PLCXD3: variants seen among roughly 807,000 people sequenced by gnomAD.
PLCXD3 encodes PI-PLC X domain-containing protein 3.
PLCXD3 carries 19 observed loss-of-function variants against 25.5 expected under a neutral mutation model. The ratio of observed to expected loss-of-function variants is 0.75; its 90% CI spans 0.52 to 1.09. The LOEUF (loss-of-function observed/expected upper bound fraction) is 1.09. PLCXD3 is among the 50% of genes least tolerant of loss of function. The probability of loss-of-function intolerance (pLI) is 0.00; values close to 1 mark genes in which losing one functional copy is unlikely to be tolerated. For missense variants in PLCXD3, 411 were observed against 388.1 expected, an observed-to-expected ratio of 1.06 and a Z score of -0.50; for synonymous variants, 174 against 137.6, an observed-to-expected ratio of 1.26 and a Z score of -1.85.
chr5:41,321,382 A>C (rs1025907168), intron 2 of PLCXD3, among the ~76,000 whole-genome samples: 1 of 152,192 alleles, frequency 6.6e-6, no homozygotes, highest in Non-Finnish European at 1.5e-5. Flanking sequence ...TAAACCAAAA[A>C]AAGTGAAAGA....
At chr5:41,471,332 G>A (rs1288623799) in intron 1 of PLCXD3, among the ~76,000 whole-genome samples, 1 of 152,168 alleles carries the variant, frequency 6.6e-6, no homozygotes, top group East Asian at 1.9e-4. Context: ...GTGCTGCAGA[G>A]AGAAAACCCA....
At chr5:41,508,097 A>G (rs1165175466) in intron 1 of PLCXD3, among the ~76,000 whole-genome samples, 1 of 152,164 alleles carries the variant, frequency 6.6e-6, no homozygotes, top group African/African-American at 2.4e-5. Flanking sequence ...TTTTTCTCAC[A>G]AGTATTGGAG....
At chr5:41,482,104 G>A (rs1235701385) in intron 1 of PLCXD3, among the ~76,000 whole-genome samples, 6 of 151,990 alleles carry the variant, frequency 3.9e-5, no homozygotes, top group African/African-American at 1.5e-4. Context: ...AGATATGTCA[G>A]TAAAAAAAGA....
chr5:41,476,728 C>A (rs1228454220), intron 1 of PLCXD3, among the ~76,000 whole-genome samples: 1 of 152,138 alleles, frequency 6.6e-6, no homozygotes, highest in Admixed American at 6.5e-5. Context: ...TCCTGTGAGT[C>A]CCCCTAGCAA....
intron 2 of PLCXD3, among the ~76,000 whole-genome samples, chr5:41,339,952 T>C (rs1744091659): frequency 6.6e-6 from 1 of 152,184 alleles, no homozygotes; most frequent in Admixed American, 6.6e-5. Flanking sequence ...GGAAAGACAC[T>C]CGCCATAGAG....
At chr5:41,425,630 A>C (rs1746937897) in intron 1 of PLCXD3, among the ~76,000 whole-genome samples, 1 of 152,118 alleles carries the variant, frequency 6.6e-6, no homozygotes, top group South Asian at 2.1e-4. Flanking sequence ...TGCTCTGTCT[A>C]TTCATCCGTT....
intron 1 of PLCXD3, among the ~76,000 whole-genome samples, chr5:41,437,566 A>G (rs915154791): frequency 1.3e-5 from 2 of 152,220 alleles, no homozygotes; most frequent in African/African-American, 4.8e-5. Context: ...CCCATTACAC[A>G]GCAAATTCAC....
intron 1 of PLCXD3, among the ~76,000 whole-genome samples, chr5:41,440,037 GCA>G (rs1747342775): frequency 6.6e-6 from 1 of 151,906 alleles, no homozygotes; most frequent in Non-Finnish European, 1.5e-5. Flanking sequence ...GGAAGGATTC[GCA>G]CACAGGTGGA....
intron 1 of PLCXD3, among the ~76,000 whole-genome samples, chr5:41,425,427 T>C (rs573016560): frequency 6.6e-6 from 1 of 152,258 alleles, no homozygotes; most frequent in East Asian, 1.9e-4. Context: ...ATTATCAATA[T>C]CCCCACCAGA....
rs111596616 is a variant in PLCXD3 at position 41,438,738 on chromosome 5, C to T, written c.104-56204G>A. The stretch of plus-strand genomic sequence containing the variant: ...ACACTAACATGTGAAAGTCTCTCTT[C>T]TAGAAATATCCAAGAATAGCTAGTC... On this transcript the variant is annotated intron_variant, in intron 1 of 2. Transcript: ENST00000377801. Among the ~76,000 whole-genome samples the T allele has an allele frequency of 9.9e-5, 15 of 151,550 alleles. 3 individuals carry two copies. The highest frequency in any genetic ancestry group is 3.6e-4 in the African/African-American group (15 of 41,236).
chr5:41,358,410 A>C (rs1455728579), intron 2 of PLCXD3, among the ~76,000 whole-genome samples: 2 of 152,174 alleles, frequency 1.3e-5, no homozygotes, highest in African/African-American at 4.8e-5. Context: ...TCGCCTGAGC[A>C]GTGTACCCTG....
chr5:41,388,541 T>C (rs184509755), intron 1 of PLCXD3, among the ~76,000 whole-genome samples: 1 of 152,180 alleles, frequency 6.6e-6, no homozygotes, highest in Non-Finnish European at 1.5e-5. Flanking sequence ...TGCTGTAATA[T>C]ACTGGCTGGT....
chr5:41,392,190 C>T (rs1051372924), intron 1 of PLCXD3, among the ~76,000 whole-genome samples: 2 of 152,198 alleles, frequency 1.3e-5, no homozygotes, highest in African/African-American at 4.8e-5. Flanking sequence ...TGTACAGCCC[C>T]AGGGCATTGA....
chr5:41,407,666 G>A (rs1261767185), intron 1 of PLCXD3, among the ~76,000 whole-genome samples: 1 of 152,186 alleles, frequency 6.6e-6, no homozygotes, highest in African/African-American at 2.4e-5. Context: ...GAATTGAACA[G>A]ATCATTGAAA....
intron 1 of PLCXD3, among the ~76,000 whole-genome samples, chr5:41,446,176 C>CAAAAAAAAAAAA (rs70988847): frequency 0.086 from 3,274 of 38,030 alleles, 820 homozygotes; most frequent in Non-Finnish European, 0.12. Flanking sequence ...GACTCCTTCT[C>CAAAAAAAAAAAA]AAAAAAAAAA....
chr5:41,457,389 A>G (rs754565352), intron 1 of PLCXD3, among the ~76,000 whole-genome samples: 1 of 151,942 alleles, frequency 6.6e-6, no homozygotes, highest in Non-Finnish European at 1.5e-5. Context: ...AGCTATCAAC[A>G]TGAAGTTCTT....
chr5:41,381,151 T>C (rs1322646715), intron 2 of PLCXD3, among the ~76,000 whole-genome samples: 1 of 152,156 alleles, frequency 6.6e-6, no homozygotes, highest in African/African-American at 2.4e-5. Flanking sequence ...CTCAGTGTTG[T>C]TATGCATTTC....
At chr5:41,353,443 T>G (rs1267694853) in intron 2 of PLCXD3, among the ~76,000 whole-genome samples, 1 of 152,050 alleles carries the variant, frequency 6.6e-6, no homozygotes, top group Non-Finnish European at 1.5e-5. Context: ...CACAAGAAAA[T>G]AAATTCATAT....
intron 2 of PLCXD3, among the ~76,000 whole-genome samples, chr5:41,334,123 T>A (rs191141295): frequency 2.0e-5 from 3 of 152,308 alleles, no homozygotes; most frequent in Admixed American, 2.0e-4. Flanking sequence ...TCACATCAAC[T>A]GAATTGATGT....
Sources: allele counts gnomAD v4.1 joint callset (sites outside exome capture counted in the v4.1 genomes callset), GRCh38; gene constraint gnomAD v4.1.1; transcripts MANE v1.5; gene names NCBI Gene and HGNC (gene_info 2026-07-23, HGNC 2026-07-21).